SCN1A: variants seen among roughly 807,000 people sequenced by gnomAD.
SCN1A encodes sodium channel protein type 1 subunit alpha.
A neutral mutation model predicts 193.7 loss-of-function variants in SCN1A; 13 were observed. That is an observed-to-expected ratio of 0.07 (90% CI 0.04 to 0.11). SCN1A has a LOEUF of 0.11. SCN1A is among the 10% of genes least tolerant of loss of function. SCN1A has a pLI of 1.00. For synonymous variants in SCN1A, 781 were observed against 843.6 expected, an observed-to-expected ratio of 0.93 and a Z score of 1.29; for missense variants, 1,432 against 2,451.1, an observed-to-expected ratio of 0.58 and a Z score of 8.78.
chr2:166,059,245 G>T (rs2105920688), intron 4 of SCN1A, among the ~76,000 whole-genome samples: 1 of 152,256 alleles, frequency 6.6e-6, no homozygotes, highest in East Asian at 1.9e-4. Context: ...TGGGTTAGAT[G>T]GATGTAATCC....
chr2:166,110,082 C>G (rs1390858002), intron 2 of SCN1A, among the ~76,000 whole-genome samples: 6 of 152,050 alleles, frequency 3.9e-5, no homozygotes, highest in Non-Finnish European at 8.8e-5. Context: ...ACCCCATTTA[C>G]TCTCATGTGA....
At chr2:166,134,402 T>C (rs1553466942) in intron 1 of SCN1A, among the ~76,000 whole-genome samples, 2 of 152,174 alleles carry the variant, frequency 1.3e-5, no homozygotes, top group Non-Finnish European at 2.9e-5. Context: ...ATGCCACAAT[T>C]GATTTTCACT....
chr2:166,039,730 T>A, intron 16 of SCN1A, 134 bp from the exon 17 acceptor site: 1 of 772,150 alleles, frequency 1.3e-6, no homozygotes, highest in South Asian at 1.7e-5. Context: ...TATGGCAATT[T>A]GTAGTTGATG....
intron 4 of SCN1A, among the ~76,000 whole-genome samples, chr2:166,072,994 C>A (rs1035916346): frequency 1.3e-5 from 2 of 152,122 alleles, no homozygotes; most frequent in South Asian, 4.2e-4. Flanking sequence ...CGTGTGCCAC[C>A]ACGCCCAGCA....
downstream of SCN1A, chr2:165,984,850 C>T (rs1688507154): frequency 6.6e-6 from 1 of 152,044 alleles, no homozygotes; most frequent in African/African-American, 2.4e-5. Flanking sequence ...CCAGCCCTTC[C>T]CTCATAATGT....
chr2:166,078,766 T>C (rs1179737718), intron 2 of SCN1A, among the ~76,000 whole-genome samples: 2 of 151,674 alleles, frequency 1.3e-5, no homozygotes, highest in Admixed American at 1.3e-4. Flanking sequence ...AAAATTCATA[T>C]AACTAGAGAA....
At chr2:166,137,089 C>A (rs1385433072) in intron 1 of SCN1A, among the ~76,000 whole-genome samples, 1 of 152,294 alleles carries the variant, frequency 6.6e-6, no homozygotes, top group East Asian at 1.9e-4. Flanking sequence ...AGTGCTCCTG[C>A]TAGTAGCCCT....
chr2:166,054,202 T>C (rs7589765), intron 7 of SCN1A, among the ~76,000 whole-genome samples: 111,634 of 151,444 alleles, frequency 0.74, 41,518 homozygotes, highest in East Asian at 0.89. Context: ...TTCAATTATT[T>C]TACCAAACCA....
Position 166,015,636 on chromosome 2 carries a change from G to C in SCN1A, c.3521C>G (p.Thr1174Ser), listed in dbSNP as rs121918799. The C allele has an allele frequency of 1.6e-3, 2,633 of 1,612,736 alleles. 11 individuals are homozygous for C. The highest frequency in any genetic ancestry group is 1.9e-3 in the Non-Finnish European group (2,244 of 1,178,944). The stretch of plus-strand genomic sequence containing the variant: ...AGTGAAACAAGCTTCTGGTTCAAGA[G>C]TTTCTTCAGGTTCCACTACGGGCTG... ...EEQPVVEPEE[T>S]LEPEACFTEG... Residue 1174 changes from threonine to serine, a missense_variant, in exon 20 of 29, where the codon ACT becomes AGT. Thr to Ser is a moderately conservative substitution (Grantham distance 58). Coordinates refer to ENST00000674923, the MANE Select transcript of SCN1A (RefSeq NM_001165963.4).
chr2:166,125,636 C>T (rs1201312932), intron 2 of SCN1A, among the ~76,000 whole-genome samples: 1 of 152,126 alleles, frequency 6.6e-6, no homozygotes, highest in East Asian at 1.9e-4. Flanking sequence ...TTACTGGATT[C>T]CTCTGTTGGT....
intron 9 of SCN1A, 60 bp from the exon 10 acceptor site, chr2:166,049,009 G>A (rs1698213593): frequency 6.9e-6 from 7 of 1,016,056 alleles, no homozygotes; most frequent in South Asian, 3.8e-5. Flanking sequence ...ACTCAAATGA[G>A]AACAGGAAGG....
chr2:165,991,842 A>G lies in SCN1A; in HGVS notation c.5433T>C (p.Val1811=), dbSNP rs762310676. Reference sequence around the variant, plus strand: ...TTGCATCGGGATCAAACTTCTCCCAAACCTCATAGAACATCTCAAAGTCAT... The same window carrying G: ...TTGCATCGGGATCAAACTTCTCCCAGACCTCATAGAACATCTCAAAGTCAT... The part of the protein sequence containing the change: ...SEDDFEMFYE[V]WEKFDPDATQ... Residue 1811 remains valine (V), a synonymous_variant, in exon 29 of 29, where the codon GTT becomes GTC. Coordinates refer to ENST00000674923, the MANE Select transcript of SCN1A (RefSeq NM_001165963.4). 5 of 1,613,940 alleles carry G rather than the reference A, an allele frequency of 3.1e-6. No individual in the cohort carries two copies. The Admixed American group carries it at 5.0e-5, about 16-fold the overall frequency.
intron 2 of SCN1A, among the ~76,000 whole-genome samples, chr2:166,098,677 T>G (rs1411557981): frequency 6.6e-6 from 1 of 151,804 alleles, no homozygotes; most frequent in African/African-American, 2.4e-5. Flanking sequence ...GGATGAAAAA[T>G]TAATGTACAA....
intron 2 of SCN1A, among the ~76,000 whole-genome samples, chr2:166,114,990 A>G: frequency 6.6e-6 from 1 of 152,312 alleles, no homozygotes; most frequent in South Asian, 2.1e-4. Context: ...TCTGTTTTCT[A>G]TAATATCAAT....
intron 1 of SCN1A, among the ~76,000 whole-genome samples, chr2:166,133,202 A>G (rs1691727287): frequency 6.6e-6 from 1 of 152,176 alleles, no homozygotes; most frequent in Non-Finnish European, 1.5e-5. Context: ...GGAGATAATC[A>G]GATTCCCCAG....
chr2:166,084,445 A>C (rs963912300), intron 2 of SCN1A, among the ~76,000 whole-genome samples: 5 of 152,072 alleles, frequency 3.3e-5, no homozygotes, highest in Non-Finnish European at 5.9e-5. Flanking sequence ...ATTTTTGCCT[A>C]TGGTGCTGGT....
chr2:166,114,464 A>G (rs888105424), intron 2 of SCN1A, among the ~76,000 whole-genome samples: 2 of 152,174 alleles, frequency 1.3e-5, no homozygotes, highest in Non-Finnish European at 2.9e-5. Context: ...GAAACCATGC[A>G]CTGGAATTGT....
chr2:166,104,111 T>C (rs967233809), intron 2 of SCN1A: 7 of 152,280 alleles, frequency 4.6e-5, no homozygotes, highest in African/African-American at 1.7e-4. Flanking sequence ...TTATTGGTGG[T>C]ATATAGAGAT....
upstream of SCN1A, among the ~76,000 whole-genome samples, chr2:166,132,373 T>G (rs993481872): frequency 8.2e-5 from 5 of 60,878 alleles, no homozygotes; most frequent in Admixed American, 2.3e-4. Flanking sequence ...GTCAATTTCC[T>G]AGTGGTTTTT....
Sources: allele counts gnomAD v4.1 joint callset (sites outside exome capture counted in the v4.1 genomes callset), GRCh38; gene constraint gnomAD v4.1.1; transcripts MANE v1.5; gene names NCBI Gene and HGNC (gene_info 2026-07-23, HGNC 2026-07-21).